Variants in MYT1L observed in about 807,000 individuals in gnomAD.
MYT1L encodes myelin transcription factor 1 like, also known as myelin transcription factor 1-like protein.
In MYT1L, 12 loss-of-function variants were observed where a neutral mutation model predicts 126.7. That is an observed-to-expected ratio of 0.09 (90% confidence interval 0.06 to 0.15). The LOEUF is 0.15. Among genes scored for constraint, MYT1L ranks in the 10% least tolerant of loss-of-function variants. MYT1L has a pLI of 1.00. For synonymous variants in MYT1L, 541 were observed against 604.2 expected (o/e 0.90, Z 1.53); for missense variants, 979 against 1,585.2 (o/e 0.62, Z 6.49).
chr2:2,147,409 T>A (rs1005122832), intron 3 of MYT1L, among the ~76,000 whole-genome samples: 3 of 152,176 alleles, frequency 2.0e-5, no homozygotes, highest in African/African-American at 7.2e-5. Flanking sequence ...GGCAGAGGCG[T>A]TCTGTTGGAG....
intron 3 of MYT1L, among the ~76,000 whole-genome samples, chr2:2,159,429 C>T (rs1240516218): frequency 1.3e-5 from 2 of 152,014 alleles, no homozygotes; most frequent in Non-Finnish European, 2.9e-5. Flanking sequence ...GCGCTCAAAC[C>T]AAAAGCTCCG....
At chr2:1,875,604 C>T (rs540179495) in intron 18 of MYT1L, among the ~76,000 whole-genome samples, 3 of 152,340 alleles carry the variant, frequency 2.0e-5, no homozygotes, top group African/African-American at 7.2e-5. Flanking sequence ...CCCGGCCTCA[C>T]TGCCGTTCTG....
At chr2:2,151,407 C>T (rs904181362) in intron 3 of MYT1L, among the ~76,000 whole-genome samples, 12 of 152,104 alleles carry the variant, frequency 7.9e-5, no homozygotes, top group African/African-American at 1.2e-4. Context: ...ATGTCCACAC[C>T]GAGAGTACTT....
intron 3 of MYT1L, among the ~76,000 whole-genome samples, chr2:2,147,062 T>C (rs1279680001): frequency 3.9e-5 from 6 of 152,192 alleles, no homozygotes; most frequent in South Asian, 2.1e-4. Context: ...GTTATTAGCA[T>C]TCAAAAGCCA....
rs530847120 is a variant in MYT1L, at chr2:1,951,154, G to A, written c.153-7820C>T. On this transcript the variant is annotated intron_variant, in intron 8 of 24. Transcript: ENST00000647738. ...ATGCAGAAATACCATACTTCTCTGT[G>A]GTTGCTAAATTTGAGGTGTCTCAGC... Among the ~76,000 whole-genome samples the A allele has an allele frequency of 2.6e-5, 4 of 152,242 alleles. No homozygotes were observed. The South Asian group carries it at 8.3e-4, about 32-fold the overall frequency.
chr2:2,304,661 T>G (rs994269102), intron 1 of MYT1L, among the ~76,000 whole-genome samples: 4 of 152,204 alleles, frequency 2.6e-5, no homozygotes, highest in Non-Finnish European at 5.9e-5. Flanking sequence ...ATTCTGCAAC[T>G]CAAGCCCAGT....
intron 15 of MYT1L, 48 bp downstream of exon 15, chr2:1,891,989 C>T (rs1314669005): frequency 6.9e-6 from 10 of 1,458,946 alleles, no homozygotes; most frequent in South Asian, 2.8e-5. Context: ...GTCCGCGGCC[C>T]GGCCTCCCCC....
chr2:2,089,412 G>C (rs2076683213), intron 3 of MYT1L, among the ~76,000 whole-genome samples: 1 of 152,208 alleles, frequency 6.6e-6, no homozygotes, highest in Non-Finnish European at 1.5e-5. Context: ...AGAGCCTCAG[G>C]AGATCCATCT....
intron 2 of MYT1L, among the ~76,000 whole-genome samples, chr2:2,183,735 A>C (rs1179565191): frequency 6.6e-6 from 1 of 151,742 alleles, no homozygotes; most frequent in East Asian, 1.9e-4. Context: ...GATATAACTA[A>C]AAGAAGGAAG....
At chr2:2,001,819 C>T (rs1185553487) in intron 4 of MYT1L, among the ~76,000 whole-genome samples, 2 of 152,174 alleles carry the variant, frequency 1.3e-5, no homozygotes, top group Non-Finnish European at 2.9e-5. Flanking sequence ...GAAAAGGCCT[C>T]GTTCCAACCT....
chr2:2,265,273 G>A (rs2095095755), intron 2 of MYT1L, among the ~76,000 whole-genome samples: 1 of 151,534 alleles, frequency 6.6e-6, no homozygotes, highest in African/African-American at 2.4e-5. Context: ...CTCCCAAAGT[G>A]TTGGGATTAC....
At position 1,806,737 on chromosome 2, in the gene MYT1L, C is replaced by A. The variant is rs1240770227; in HGVS notation, c.3172+2339G>T. Among the ~76,000 whole-genome samples the A allele has an allele frequency of 6.6e-6, 1 of 152,176 alleles. No individual in the cohort carries two copies. The highest frequency in any genetic ancestry group is 1.5e-5 in the Non-Finnish European group (1 of 68,028). On this transcript the variant is annotated intron_variant, in intron 22 of 24. Transcript: ENST00000647738. This position sits in a 1 kb window ranked among gnomAD's most constrained non-coding sequence, Gnocchi z 4.9. Reference sequence around the variant, plus strand: ...TGAATGGCCCCTCCTCTAGGATTGGCAGATCTGTTCTCTCCGTATTTTCTT... The same window carrying A: ...TGAATGGCCCCTCCTCTAGGATTGGAAGATCTGTTCTCTCCGTATTTTCTT...
chr2:2,079,087 C>T (rs2075536270), intron 3 of MYT1L, among the ~76,000 whole-genome samples: 1 of 152,168 alleles, frequency 6.6e-6, no homozygotes, highest in Non-Finnish European at 1.5e-5. Flanking sequence ...AATCTGGTGT[C>T]TTGATCTTGG....
rs2147765762 is a variant in MYT1L at position 1,789,799 on chromosome 2, T to G, written c.*2068A>C. 6.6e-6 allele frequency: 1 copy of G among 152,288 alleles called. No homozygotes were observed. Among genetic ancestry groups the G allele is most frequent in the South Asian group, 2.1e-4 (1 of 4,826 alleles). The allele number at this position is 152,288 out of a possible 1,614,324, so 9.4% of individuals were successfully genotyped here. The stretch of plus-strand genomic sequence containing the variant: ...CAAAACGCATTCTGAGCATGGCAGC[T>G]GCAACCAATAGCACAACAGAAAGGG... On this transcript the variant is annotated 3_prime_UTR_variant, in exon 25 of 25. Transcript: ENST00000647738.
chr2:2,312,299 C>A (rs891167652), intron 1 of MYT1L, among the ~76,000 whole-genome samples: 4 of 152,152 alleles, frequency 2.6e-5, no homozygotes, highest in Admixed American at 2.0e-4. Context: ...TCTATCTCTC[C>A]CTTTCTCTTT....
At chr2:2,315,029 A>G (rs910796089) in intron 1 of MYT1L, among the ~76,000 whole-genome samples, 10 of 152,204 alleles carry the variant, frequency 6.6e-5, no homozygotes, top group African/African-American at 2.4e-4. Context: ...AATTAACTCA[A>G]TATGGATTAA....
intron 19 of MYT1L, among the ~76,000 whole-genome samples, chr2:1,844,657 G>T (rs1238478382): frequency 1.3e-5 from 2 of 152,152 alleles, no homozygotes; most frequent in Admixed American, 6.5e-5. Flanking sequence ...TGCATCATCG[G>T]CTGTGAAAAC....
intron 2 of MYT1L, among the ~76,000 whole-genome samples, chr2:2,275,996 T>G (rs987316245): frequency 6.6e-6 from 1 of 152,126 alleles, no homozygotes; most frequent in Non-Finnish European, 1.5e-5. Context: ...CAAACTACCC[T>G]GCCTTGTGTT....
intron 21 of MYT1L, among the ~76,000 whole-genome samples, chr2:1,838,129 G>T (rs1466971837): frequency 6.6e-6 from 1 of 152,028 alleles, no homozygotes; most frequent in Admixed American, 6.6e-5. Context: ...GGCCAGGCTG[G>T]TCTCAAACTC....
Sources: gnomAD v4.1 joint callset for allele counts (sites outside exome capture counted in the v4.1 genomes callset) on GRCh38, gnomAD v4.1.1 for gene constraint, Gnocchi (gnomAD v3.1) non-coding constraint, MANE v1.5 for transcripts, NCBI Gene and HGNC (gene_info 2026-07-23, HGNC 2026-07-21) for gene names.